Variants in WNK1 observed in about 807,000 individuals in gnomAD.
The protein encoded by WNK1 is WNK lysine deficient protein kinase 1, also known as serine/threonine-protein kinase WNK1.
In WNK1, 38 loss-of-function variants were observed where a neutral mutation model predicts 222.8. The ratio of observed to expected loss-of-function variants is 0.17; its 90% CI spans 0.13 to 0.22. The LOEUF (loss-of-function observed/expected upper bound fraction) is 0.22. Among genes scored for constraint, WNK1 ranks in the 10% least tolerant of loss-of-function variants. WNK1 has a pLI of 1.00. For synonymous variants in WNK1, 1,090 were observed against 1,092.9 expected (o/e 1.00, Z 0.05); for missense variants, 2,348 against 2,918.4 (o/e 0.80, Z 4.50).
Position 886,228 on chromosome 12 carries a change from T to G in WNK1, c.5280+144T>G, listed in dbSNP as rs1372071159. On this transcript the variant is annotated intron_variant, in intron 19 of 27. Transcript: ENST00000315939. ...ATAGTATTTATTAAATTGACAGCAGTTTGAGGGTATATCTACAATGAACAT... is the reference window on the plus strand; with the variant it reads ...ATAGTATTTATTAAATTGACAGCAGGTTGAGGGTATATCTACAATGAACAT... 5 of 760,994 alleles carry G rather than the reference T, an allele frequency of 6.6e-6. No individual in the cohort carries two copies. The African/African-American group carries it at 8.8e-5, about 13-fold the overall frequency. 47.1% of individuals were successfully genotyped at this position (760,994 alleles called of 1,614,324 possible). A position where few individuals can be genotyped will look rare whatever the true frequency, so the allele number is the denominator to read the frequency against.
At chr12:857,662 C>T (rs1034363874) in intron 5 of WNK1, among the ~76,000 whole-genome samples, 2 of 152,130 alleles carry the variant, frequency 1.3e-5, no homozygotes, top group Non-Finnish European at 2.9e-5. Context: ...TCTGATTTGC[C>T]GTCCTTACGC....
At position 868,227 on chromosome 12, in the gene WNK1, G is replaced by A; in HGVS notation, c.2140-3038G>A. 1 of 1,609,100 alleles carries A rather than the reference G, an allele frequency of 6.2e-7. No individual in the cohort carries two copies. Among genetic ancestry groups the A allele is most frequent in the South Asian group, 1.1e-5 (1 of 90,562 alleles). ...CAAGTTTACAGTGACTATAGACCTG[G>A]ACTAGTACTTCCAGAAGAAGCTCAC... On this transcript the variant is annotated intron_variant, in intron 8 of 27. Coordinates refer to ENST00000315939, the MANE Select transcript of WNK1 (RefSeq NM_018979.4).
intron 1 of WNK1, among the ~76,000 whole-genome samples, chr12:791,164 A>C (rs1944793502): frequency 6.6e-6 from 1 of 152,034 alleles, no homozygotes; most frequent in Non-Finnish European, 1.5e-5. Context: ...ATAATAATTA[A>C]GTAACATACT....
rs1244121682 is a variant in WNK1, at chr12:753,903, A to G, written c.338A>G (p.Gln113Arg). Residue 113 changes from glutamine to arginine, a missense_variant, in exon 1 of 28, where the codon CAG becomes CGG. By Grantham distance (43) the Gln-to-Arg change is conservative. Coordinates refer to ENST00000315939, the MANE Select transcript of WNK1 (RefSeq NM_018979.4). This position sits in a 1 kb window ranked among gnomAD's most constrained non-coding sequence, Gnocchi z 5.2. ...PQPSIPAAVP[Q>R]SAPPEPHREE... ...CCCAGCATCCCCGCGGCTGTCCCGC[A>G]GAGTGCTCCACCGGAGCCCCACCGG... 1 of 1,610,988 alleles carries G rather than the reference A, an allele frequency of 6.2e-7. No homozygotes were observed. The highest frequency in any genetic ancestry group is 1.1e-5 in the South Asian group (1 of 90,940).
At chr12:804,329 T>C (rs1258316710) in intron 1 of WNK1, among the ~76,000 whole-genome samples, 2 of 152,216 alleles carry the variant, frequency 1.3e-5, no homozygotes, top group Non-Finnish European at 2.9e-5. Context: ...CTTAGAAGTA[T>C]ACAGTTTTGT....
intron 4 of WNK1, among the ~76,000 whole-genome samples, chr12:832,177 G>A (rs375296781): frequency 1.3e-5 from 2 of 152,166 alleles, no homozygotes; most frequent in East Asian, 3.9e-4. Context: ...CTGGGTTCAC[G>A]CTATTCTCCT....
intron 4 of WNK1, among the ~76,000 whole-genome samples, chr12:837,205 T>C (rs1949252051): frequency 6.6e-6 from 1 of 152,130 alleles, no homozygotes; most frequent in South Asian, 2.1e-4. Context: ...AGATGTGAGG[T>C]ACAGAAACAA....
At chr12:898,107 A>G (rs560462110) in intron 25 of WNK1, among the ~76,000 whole-genome samples, 1 of 152,210 alleles carries the variant, frequency 6.6e-6, no homozygotes, top group Non-Finnish European at 1.5e-5. Flanking sequence ...GATGAATGTA[A>G]TCGTCATATA....
At chr12:760,293 TGTCTAATCCATTA>T (rs1436661314) in intron 1 of WNK1, among the ~76,000 whole-genome samples, 1 of 147,914 alleles carries the variant, frequency 6.8e-6, no homozygotes, top group Non-Finnish European at 1.5e-5. Context: ...TTATATATTT[TGTCTAATCCATTA>T]GTCTTTGGAA....
chr12:851,478 T>C (rs534054923), intron 4 of WNK1: 1 of 1,149,064 alleles, frequency 8.7e-7, no homozygotes, highest in Non-Finnish European at 1.1e-6. Context: ...TTCCTGCTGT[T>C]GGGCATGCAG....
intron 4 of WNK1, among the ~76,000 whole-genome samples, chr12:833,587 G>C (rs1005054082): frequency 2.6e-5 from 4 of 151,990 alleles, no homozygotes; most frequent in Non-Finnish European, 5.9e-5. Flanking sequence ...CATTTTATCT[G>C]ATTGGTTTCA....
intron 4 of WNK1, among the ~76,000 whole-genome samples, chr12:837,702 T>G (rs895628008): frequency 1.3e-5 from 2 of 152,062 alleles, no homozygotes; most frequent in African/African-American, 4.8e-5. Flanking sequence ...ACCTGTTAAG[T>G]TAGGTTGCAA....
At position 865,173 on chromosome 12, in the gene WNK1, G is replaced by A. The variant is rs72649832; in HGVS notation, c.2139+2903G>A. ...CTTTCTGCTGTTGCCTCTGTGTCCCGCATCTCTCCCAGTGCTCTTCCACCC... is the reference window on the plus strand; with the variant it reads ...CTTTCTGCTGTTGCCTCTGTGTCCCACATCTCTCCCAGTGCTCTTCCACCC... On this transcript the variant is annotated intron_variant, in intron 8 of 27. Transcript: ENST00000315939. The A allele has an allele frequency of 7.3e-5, 111 of 1,512,896 alleles. No homozygotes were observed. The highest frequency in any genetic ancestry group is 1.7e-4 in the East Asian group (7 of 40,134). 93.7% of individuals were successfully genotyped at this position (1,512,896 alleles called of 1,614,324 possible). A position where few individuals can be genotyped will look rare whatever the true frequency, so the allele number is the denominator to read the frequency against.
At chr12:868,390 A>G in intron 8 of WNK1, 6 of 1,614,020 alleles carry the variant, frequency 3.7e-6, no homozygotes, top group Non-Finnish European at 4.2e-6. Flanking sequence ...AGAAGCCAGT[A>G]CAAGGGGGCC....
At chr12:787,315 G>A (rs560405804) in intron 1 of WNK1, among the ~76,000 whole-genome samples, 4 of 152,168 alleles carry the variant, frequency 2.6e-5, no homozygotes, top group African/African-American at 7.2e-5. Context: ...AAGTAGAGAT[G>A]GGGTCTCACT....
At chr12:870,070 T>C (rs1952011531) in intron 8 of WNK1, among the ~76,000 whole-genome samples, 2 of 152,162 alleles carry the variant, frequency 1.3e-5, no homozygotes. Context: ...GACTATGCAG[T>C]TATATATTGA....
intron 4 of WNK1, among the ~76,000 whole-genome samples, chr12:834,864 AAAT>A (rs755943999): frequency 3.3e-5 from 5 of 152,176 alleles, no homozygotes; most frequent in Non-Finnish European, 5.9e-5. Context: ...ACTGATTAGG[AAAT>A]AATAATTGTG....
intron 27 of WNK1, 162 bp from the exon 28 acceptor site, chr12:908,313 A>G (rs1955874417): frequency 1.2e-6 from 1 of 820,326 alleles, no homozygotes; most frequent in South Asian, 1.6e-5. Flanking sequence ...CCCTCTCATG[A>G]GGATTATTTT....
chr12:884,444 C>T lies in WNK1; in HGVS notation c.3844+201C>T, dbSNP rs1158429005. ...GAATTACAGAAAAAGCCAAGAAGCACGGCCATACCAAGATATAGTCTGTAT... is the reference window on the plus strand; with the variant it reads ...GAATTACAGAAAAAGCCAAGAAGCATGGCCATACCAAGATATAGTCTGTAT... On this transcript the variant is annotated intron_variant, in intron 18 of 27. Transcript: ENST00000315939. This position sits in a 1 kb window ranked among gnomAD's most constrained non-coding sequence, Gnocchi z 5.6. Among the ~76,000 whole-genome samples, 2 of 152,124 alleles carry T rather than the reference C, an allele frequency of 1.3e-5. No individual in the cohort carries two copies. The highest frequency in any genetic ancestry group is 4.8e-5 in the African/African-American group (2 of 41,418).
Sources: gnomAD v4.1 joint callset for allele counts (sites outside exome capture counted in the v4.1 genomes callset) on GRCh38, gnomAD v4.1.1 for gene constraint, Gnocchi (gnomAD v3.1) non-coding constraint, MANE v1.5 for transcripts, NCBI Gene and HGNC (gene_info 2026-07-23, HGNC 2026-07-21) for gene names.